FCN3: variants seen among roughly 807,000 people sequenced by gnomAD.
The protein encoded by FCN3 is ficolin 3, also known as ficolin-3.
In FCN3, 28 loss-of-function variants were observed where a neutral mutation model predicts 31.5. That is an observed-to-expected ratio of 0.89 (90% confidence interval 0.66 to 1.22). The LOEUF is 1.22. Ranked by LOEUF, FCN3 falls within the 50% of genes most tolerant of loss-of-function variation. FCN3 has a pLI of 0.00. For missense variants in FCN3, 351 were observed against 386.8 expected, an observed-to-expected ratio of 0.91 and a Z score of 0.78; for synonymous variants, 124 against 147.4, an observed-to-expected ratio of 0.84 and a Z score of 1.15.
intron 5 of FCN3, among the ~76,000 whole-genome samples, chr1:27,372,226 C>CCCATTGCCCTGCACACTCTTCT (rs1256654989): frequency 2.6e-5 from 4 of 151,746 alleles, no homozygotes. Context: ...CCTGGGGCTA[C>CCCATTGCCCTGCACACTCTTCT]CCATTGCCCT....
rs577863445 is a variant in FCN3 at position 27,373,672 on chromosome 1, G to T, written c.233-152C>A. On this transcript the variant is annotated intron_variant, in intron 3 of 7. Transcript: ENST00000270879. Reference sequence around the variant, plus strand: ...AGGAGGGCCATCATAGGGTACCCAGGCCCTTCTCCTAATCCTCTCCACTCC... The same window carrying T: ...AGGAGGGCCATCATAGGGTACCCAGTCCCTTCTCCTAATCCTCTCCACTCC... The T allele has an allele frequency of 5.0e-6, 4 of 805,088 alleles. No homozygotes were observed. The African/African-American group carries it at 5.1e-5, about 10-fold the overall frequency. The allele number at this position is 805,088 out of a possible 1,614,324, so 49.9% of individuals were successfully genotyped here. A position where few individuals can be genotyped will look rare whatever the true frequency, so the allele number is the denominator to read the frequency against.
chr1:27,372,541 T>C (rs1239427280), intron 5 of FCN3, among the ~76,000 whole-genome samples: 1 of 152,130 alleles, frequency 6.6e-6, no homozygotes, highest in Non-Finnish European at 1.5e-5. Context: ...AGCCACCACG[T>C]CCAGCCAACC....
At chr1:27,371,163 C>A (rs927330244) in intron 5 of FCN3, among the ~76,000 whole-genome samples, 191 bp from the exon 6 acceptor site, 6 of 152,222 alleles carry the variant, frequency 3.9e-5, no homozygotes, top group Non-Finnish European at 7.3e-5. Flanking sequence ...TTTACTGACA[C>A]TCAACTTCAT....
chr1:27,373,726 C>A lies in FCN3; in HGVS notation c.233-206G>T, dbSNP rs974967809. ...CAGCCTTCCAAACCCTGTAGGAGGG[C>A]CTTCATAGGGTACCCAGGCCCTTCT... On this transcript the variant is annotated intron_variant, in intron 3 of 7. Coordinates refer to ENST00000270879, the MANE Select transcript of FCN3 (RefSeq NM_003665.4). 2.8e-5 allele frequency: 18 copies of A among 650,202 alleles called. No individual in the cohort carries two copies. The African/African-American group carries it at 3.1e-4, about 11-fold the overall frequency. 40.3% of individuals were successfully genotyped at this position (650,202 alleles called of 1,614,324 possible).
At chr1:27,374,491 G>C in intron 1 of FCN3, 40 bp from the exon 2 acceptor site, 1 of 1,321,758 alleles carries the variant, frequency 7.6e-7, no homozygotes, top group Non-Finnish European at 1.1e-6. Context: ...AGGGTAGACT[G>C]TCTCTTCCAG....
At chr1:27,374,047 C>A (rs577866578) in intron 2 of FCN3, 38 bp from the exon 3 acceptor site, 3 of 1,592,250 alleles carry the variant, frequency 1.9e-6, no homozygotes, top group African/African-American at 2.7e-5. Context: ...GAGTCCCACC[C>A]CATGCCCAGG....
chr1:27,371,881 T>C (rs1409550548), intron 5 of FCN3, among the ~76,000 whole-genome samples: 2 of 152,032 alleles, frequency 1.3e-5, no homozygotes, highest in African/African-American at 4.8e-5. Flanking sequence ...TGCCTTAGCT[T>C]TCTGCATAGC....
intron 5 of FCN3, among the ~76,000 whole-genome samples, chr1:27,371,926 AT>A (rs1384858898): frequency 6.6e-6 from 1 of 151,824 alleles, no homozygotes; most frequent in Non-Finnish European, 1.5e-5. Context: ...CGCCCAGCTA[AT>A]TTTTTGTATT....
At position 27,374,665 on chromosome 1, in the gene FCN3, T is replaced by TG. The variant is rs968060659; in HGVS notation, c.91+62dup. The TG allele has an allele frequency of 4.9e-6, 5 of 1,029,886 alleles. No individual in the cohort carries two copies. In the African/African-American group the frequency reaches 4.9e-5, roughly 10 times the overall value. 63.8% of individuals were successfully genotyped at this position (1,029,886 alleles called of 1,614,324 possible). ...GCTCCTTGAGGTTGATGAGCCTTGG[T>TG]GGGGGGACACCCAGCGAGGGAATGA... On this transcript the variant is annotated intron_variant, in intron 1 of 7. Transcript: ENST00000270879.
rs976456334 is a variant in FCN3 at position 27,374,793 on chromosome 1, G to A, written c.26C>T (p.Ser9Phe). 4 of 1,388,284 alleles carry A rather than the reference G, an allele frequency of 2.9e-6. No homozygotes were observed. The highest frequency in any genetic ancestry group is 3.8e-6 in the Non-Finnish European group (4 of 1,065,794). 86.0% of individuals were successfully genotyped at this position (1,388,284 alleles called of 1,614,324 possible). ...CCCCCCAAGCAGGAGAAGCCACAGGGAGGGCAGGATCCACAGTAGATCCAT... is the reference window on the plus strand; with the variant it reads ...CCCCCCAAGCAGGAGAAGCCACAGGAAGGGCAGGATCCACAGTAGATCCAT... MDLLWILP[S>F]LWLLLLGGPA... is the part of the protein sequence containing the mutation. Residue 9 changes from serine to phenylalanine, a missense_variant, in exon 1 of 8, where the codon TCC (serine) becomes TTC (phenylalanine). Transcript: ENST00000270879.
At chr1:27,372,928 C>A (rs1464260196) in intron 5 of FCN3, among the ~76,000 whole-genome samples, 1 of 152,144 alleles carries the variant, frequency 6.6e-6, no homozygotes, top group African/African-American at 2.4e-5. Flanking sequence ...CAGGCGTGAG[C>A]TACTGCACTC....
At chr1:27,372,773 A>ATATTTT (rs71584882) in intron 5 of FCN3, among the ~76,000 whole-genome samples, 6 of 96,436 alleles carry the variant, frequency 6.2e-5, no homozygotes, top group Admixed American at 4.0e-4. Flanking sequence ...TCCCTACCCT[A>ATATTTT]TTTTTTTTTT....
At position 27,374,433 on chromosome 1, in the gene FCN3, G is replaced by T. The variant is rs148066145; in HGVS notation, c.110C>A (p.Ala37Asp). 296 of 1,613,476 alleles carry T rather than the reference G, an allele frequency of 1.8e-4. No individual in the cohort carries two copies. Among genetic ancestry groups the T allele is most frequent in the Non-Finnish European group, 2.4e-4 (285 of 1,179,672 alleles). ...PSCPGPRELEASKVVLLPSCP... is the reference protein window; with the variant it reads ...PSCPGPRELEDSKVVLLPSCP... ...ACTGGGCAGGAGGACAACTTTGCTGGCTTCCAGTTCCCTGGGTCCTACAGG... is the reference window on the plus strand; with the variant it reads ...ACTGGGCAGGAGGACAACTTTGCTGTCTTCCAGTTCCCTGGGTCCTACAGG... Residue 37 changes from alanine (A) to aspartate (D), a missense_variant, in exon 2 of 8, where the codon GCC becomes GAC. By Grantham distance (126) the Ala-to-Asp change is moderately radical (BLOSUM62 -2). Coordinates refer to ENST00000270879, the MANE Select transcript of FCN3 (RefSeq NM_003665.4).
chr1:27,370,361 T>A, intron 7 of FCN3: 1 of 532,428 alleles, frequency 1.9e-6, no homozygotes. Flanking sequence ...GGGGTAGGAC[T>A]TGCCCAAGGT....
intron 7 of FCN3, 98 bp downstream of exon 7, chr1:27,370,498 A>G (rs2016122380): frequency 9.6e-7 from 1 of 1,039,684 alleles, no homozygotes; most frequent in Non-Finnish European, 1.4e-6. Flanking sequence ...ACTAAGGCCC[A>G]CAGAGGAGAC....
rs554140953 is a variant in FCN3 at position 27,370,950 on chromosome 1, C to A, written c.416G>T (p.Gly139Val). The A allele has an allele frequency of 6.2e-7, 1 of 1,613,198 alleles. No individual in the cohort carries two copies. The highest frequency in any genetic ancestry group is 1.1e-5 in the South Asian group (1 of 91,030). ...CCAAGAGCGGAAGAAATCCACAGAA[C>A]CATCCTGGCGCCTCTGAAACACCTG... ...GWLVFQRRQD[G>V]SVDFFRSWSS... Residue 139 changes from glycine (G) to valine (V), a missense_variant, in exon 6 of 8, where the codon GGT (glycine) becomes GTT (valine). Physicochemically the swap from Gly to Val is moderately radical, Grantham distance 109 (BLOSUM62 -3). Coordinates refer to ENST00000270879, the MANE Select transcript of FCN3 (RefSeq NM_003665.4).
In FCN3 at chr1:27,370,983, G is replaced by A. The variant is rs3813800; in HGVS notation, c.394-11C>T. On this transcript the variant is annotated splice_polypyrimidine_tract_variant and intron_variant, in intron 5 of 7. Coordinates refer to ENST00000270879, the MANE Select transcript of FCN3 (RefSeq NM_003665.4). ...GCGCCTCTGAAACACCTGGGGGAGGGGGGGCACAGCAGCTATTACTCCAGG... is the reference window on the plus strand; with the variant it reads ...GCGCCTCTGAAACACCTGGGGGAGGAGGGGCACAGCAGCTATTACTCCAGG... The A allele has an allele frequency of 2.5e-6, 4 of 1,611,084 alleles. No individual in the cohort carries two copies. Among genetic ancestry groups the A allele is most frequent in the African/African-American group, 1.3e-5 (1 of 74,954 alleles).
chr1:27,372,885 C>A (rs941598175), intron 5 of FCN3, among the ~76,000 whole-genome samples: 6 of 149,104 alleles, frequency 4.0e-5, no homozygotes, highest in African/African-American at 1.2e-4. Flanking sequence ...TCAGGCAATT[C>A]TCTTGCCTCA....
intron 5 of FCN3, among the ~76,000 whole-genome samples, chr1:27,372,364 C>T (rs1447431211): frequency 1.3e-5 from 2 of 152,002 alleles, no homozygotes; most frequent in Non-Finnish European, 2.9e-5. Context: ...TCTCCCAGCT[C>T]AGCCTCCTGA....
Sources: allele counts gnomAD v4.1 joint callset (sites outside exome capture counted in the v4.1 genomes callset), GRCh38; gene constraint gnomAD v4.1.1; transcripts MANE v1.5; gene names NCBI Gene and HGNC (gene_info 2026-07-23, HGNC 2026-07-21).